The following CENPE variants were observed in gnomAD, a reference collection of about 807,000 sequenced individuals.
The protein encoded by CENPE is centromere protein E, also known as centromere-associated protein E.
In CENPE, 145 loss-of-function variants were observed where a neutral mutation model predicts 336.1. That is an observed-to-expected ratio of 0.43 (90% CI 0.38 to 0.50). The LOEUF is 0.50. Ranked by LOEUF, CENPE falls within the 20% of genes least tolerant of loss-of-function variation. CENPE has a pLI of 0.00. For missense variants in CENPE, 2,719 were observed against 3,023.3 expected (o/e 0.90, Z 2.36); for synonymous variants, 1,013 against 984.8 (o/e 1.03, Z -0.54).
intron 15 of CENPE, among the ~76,000 whole-genome samples, chr4:103,175,206 C>A (rs1055656579): frequency 6.6e-6 from 1 of 151,940 alleles, no homozygotes; most frequent in Admixed American, 6.6e-5. Context: ...TATTTTATGT[C>A]TCAGATGGTT....
At chr4:103,136,483 C>T (rs1393715208) in intron 39 of CENPE, 124 bp from the exon 40 acceptor site, 12 of 577,128 alleles carry the variant, frequency 2.1e-5, no homozygotes, top group Non-Finnish European at 2.8e-5. Flanking sequence ...GAAATAAAGA[C>T]CTTTGTGTCT....
chr4:103,171,661 C>A (rs1197837527), intron 16 of CENPE, among the ~76,000 whole-genome samples: 2 of 146,224 alleles, frequency 1.4e-5, no homozygotes, highest in East Asian at 4.0e-4. Flanking sequence ...AAGATCAGAG[C>A]AGAAATAAAC....
chr4:103,109,190 T>C (rs575915879), intron 47 of CENPE, 101 bp from the exon 48 acceptor site: 4 of 887,016 alleles, frequency 4.5e-6, no homozygotes, highest in South Asian at 2.5e-5. Context: ...TGATGAAATA[T>C]ATATAACATA....
At position 103,116,639 on chromosome 4, in the gene CENPE, G is replaced by A. The variant is rs369640575; in HGVS notation, c.7380C>T (p.Leu2460=). Reference sequence around the variant, plus strand: ...GGTCTATTTTCACAAGCTTCATTTTGAGATCTTCAATTTCTTCTTTATATG... The same window carrying A: ...GGTCTATTTTCACAAGCTTCATTTTAAGATCTTCAATTTCTTCTTTATATG... ...AKPYKEEIED[L]KMKLVKIDLE... The change falls in exon 45 of 49, where the codon CTC becomes CTT. Residue 2460 remains leucine (L), a synonymous_variant. Transcript: ENST00000265148. 5.3e-5 allele frequency: 85 copies of A among 1,594,944 alleles called. No individual in the cohort carries two copies. The highest frequency in any genetic ancestry group is 7.0e-5 in the Non-Finnish European group (82 of 1,173,598).
intron 44 of CENPE, among the ~76,000 whole-genome samples, chr4:103,119,177 T>C (rs1161976363): frequency 6.6e-6 from 1 of 152,074 alleles, no homozygotes; most frequent in African/African-American, 2.4e-5. Flanking sequence ...TCTTAATATA[T>C]ATAACATATA....
chr4:103,138,308 A>G, intron 39 of CENPE, 43 bp downstream of exon 39: 1 of 1,350,476 alleles, frequency 7.4e-7, no homozygotes, highest in Non-Finnish European at 1.1e-6. Context: ...AGCCTTTGGA[A>G]GACAACCAAT....
chr4:103,117,036 A>G (rs1221783450), intron 44 of CENPE, among the ~76,000 whole-genome samples: 1 of 152,214 alleles, frequency 6.6e-6, no homozygotes, highest in Non-Finnish European at 1.5e-5. Context: ...GGTAAATCAG[A>G]AAATGAAACA....
In CENPE at chr4:103,145,165, C is replaced by T. The variant is rs530167338; in HGVS notation, c.4742G>A (p.Ser1581Asn). ...AATCATAATTTGTATTTCTTCTTGA[C>T]TTTCTTGAAGTCTGTTGGTCAACTC... ...MLELTNRLQE[S>N]QEEIQIMIKE... is the part of the protein sequence containing the mutation. The change falls in exon 32 of 49, where the codon AGT becomes AAT. Residue 1581 changes from serine to asparagine, a missense_variant. Physicochemically the swap from Ser to Asn is conservative, Grantham distance 46. Coordinates refer to ENST00000265148, the MANE Select transcript of CENPE (RefSeq NM_001813.3). The T allele has an allele frequency of 6.2e-7, 1 of 1,612,974 alleles. No individual in the cohort carries two copies. Among genetic ancestry groups the T allele is most frequent in the African/African-American group, 1.3e-5 (1 of 74,946 alleles).
chr4:103,144,366 G>T lies in CENPE; in HGVS notation c.5110C>A (p.Gln1704Lys), dbSNP rs556212008. 6.2e-7 allele frequency: 1 copy of T among 1,611,668 alleles called. No homozygotes were observed. Among genetic ancestry groups the T allele is most frequent in the African/African-American group, 1.3e-5 (1 of 74,694 alleles). The change falls in exon 33 of 49, where the codon CAG (glutamine) becomes AAG (lysine). Residue 1704 changes from glutamine (Q) to lysine (K), a missense_variant. Around this residue, in one of 5 missense-constraint regions of CENPE, gnomAD observed 2,437 missense variants for 2,513.3 expected, o/e 0.97. Transcript: ENST00000265148. ...VEETLKVERD[Q>K]LKENLRETIT... ...GTTTCTCTAAGGTTTTCCTTGAGCTGGTCTCTCTCTACTTTGAGAGTCTCC... is the reference window on the plus strand; with the variant it reads ...GTTTCTCTAAGGTTTTCCTTGAGCTTGTCTCTCTCTACTTTGAGAGTCTCC...
At chr4:103,153,016 G>A in intron 25 of CENPE, 31 bp downstream of exon 25, 3 of 1,465,762 alleles carry the variant, frequency 2.0e-6, no homozygotes, top group Non-Finnish European at 2.8e-6. Context: ...AGACAAAAAG[G>A]TAATGCCAAG....
At chr4:103,132,984 A>G (rs1317623724) in intron 41 of CENPE, 88 bp from the exon 42 acceptor site, 1 of 185,372 alleles carries the variant, frequency 5.4e-6, no homozygotes, top group East Asian at 1.2e-4. Context: ...ATATATATAT[A>G]AAATAAAAAG....
intron 9 of CENPE, among the ~76,000 whole-genome samples, chr4:103,183,703 A>T (rs984566761): frequency 7.3e-5 from 11 of 151,452 alleles, no homozygotes; most frequent in African/African-American, 1.7e-4. Flanking sequence ...CAAAAAGTTT[A>T]AAAAAAAAGT....
At position 103,151,318 on chromosome 4, in the gene CENPE, C is replaced by T. The variant is rs1222274924; in HGVS notation, c.3297G>A (p.Glu1099=). 3 of 1,605,166 alleles carry T rather than the reference C, an allele frequency of 1.9e-6. No individual in the cohort carries two copies. Among genetic ancestry groups the T allele is most frequent in the East Asian group, 4.5e-5 (2 of 44,576 alleles). Reference sequence around the variant, plus strand: ...CATGGTTCTTTTCTTGTGCAACTATCTCTTGTTGCTTTTTAAGTTCATCCC... The same window carrying T: ...CATGGTTCTTTTCTTGTGCAACTATTTCTTGTTGCTTTTTAAGTTCATCCC... ...LLGDELKKQQ[E]IVAQEKNHAI... Residue 1099 remains glutamate (E), a synonymous_variant, in exon 26 of 49, where the codon GAG becomes GAA. Transcript: ENST00000265148.
chr4:103,174,066 A>C (rs771895019), intron 16 of CENPE, among the ~76,000 whole-genome samples: 2 of 151,908 alleles, frequency 1.3e-5, no homozygotes, highest in Non-Finnish European at 2.9e-5. Context: ...TTACTGCAGC[A>C]CTTTCCACAA....
intron 39 of CENPE, among the ~76,000 whole-genome samples, chr4:103,137,290 A>T (rs1752151197): frequency 6.6e-6 from 1 of 152,108 alleles, no homozygotes; most frequent in African/African-American, 2.4e-5. Context: ...ACATGCAATA[A>T]ATCTGGACCC....
At chr4:103,168,209 G>T (rs1755085966) in intron 16 of CENPE, among the ~76,000 whole-genome samples, 1 of 152,080 alleles carries the variant, frequency 6.6e-6, no homozygotes, top group African/African-American at 2.4e-5. Context: ...AAGGGGCCCT[G>T]TCTCAGCTTC....
intron 33 of CENPE, among the ~76,000 whole-genome samples, chr4:103,143,783 T>C (rs929160946): frequency 6.6e-6 from 1 of 152,350 alleles, no homozygotes; most frequent in East Asian, 1.9e-4. Context: ...CCTACAAATA[T>C]CTTTATACAG....
intron 8 of CENPE, among the ~76,000 whole-genome samples, chr4:103,189,057 T>C (rs1045317584): frequency 3.3e-5 from 5 of 152,144 alleles, no homozygotes; most frequent in Admixed American, 6.5e-5. Flanking sequence ...AATGGATAAA[T>C]TGCTGGACAC....
At chr4:103,193,189 G>C (rs990270314) in intron 8 of CENPE, among the ~76,000 whole-genome samples, 5 of 152,020 alleles carry the variant, frequency 3.3e-5, no homozygotes, top group African/African-American at 1.2e-4. Context: ...GTAGATCACT[G>C]AATATGCCAA....
Sources: gnomAD v4.1 joint callset for allele counts (sites outside exome capture counted in the v4.1 genomes callset) on GRCh38, gnomAD v4.1.1 for gene constraint, gnomAD v4.1.1 regional missense constraint, MANE v1.5 for transcripts, NCBI Gene and HGNC (gene_info 2026-07-23, HGNC 2026-07-21) for gene names.